Variants in SNRPN observed in about 807,000 individuals in gnomAD.
SNRPN encodes small nuclear ribonucleoprotein-associated protein N.
A neutral mutation model predicts 25.2 loss-of-function variants in SNRPN; 7 were observed. The ratio of observed to expected loss-of-function variants is 0.28; its 90% CI spans 0.16 to 0.52. SNRPN has a LOEUF of 0.52. Ranked by LOEUF, SNRPN falls within the 20% of genes least tolerant of loss-of-function variation. The probability of loss-of-function intolerance (pLI) is 0.96; values close to 1 mark genes in which losing one functional copy is unlikely to be tolerated. For missense variants in SNRPN, 196 were observed against 322.5 expected, an observed-to-expected ratio of 0.61 and a Z score of 3.00; for synonymous variants, 124 against 110.6, an observed-to-expected ratio of 1.12 and a Z score of -0.76.
intron 1 of SNRPN, among the ~76,000 whole-genome samples, chr15:24,857,792 C>T (rs926924504): frequency 1.3e-5 from 2 of 152,128 alleles, no homozygotes; most frequent in East Asian, 3.9e-4. Flanking sequence ...AGAATTCACC[C>T]AGAGCCGGCT....
At chr15:24,969,317 C>T (rs2076100978) in intron 3 of SNRPN, among the ~76,000 whole-genome samples, 2 of 152,016 alleles carry the variant, frequency 1.3e-5, no homozygotes, top group African/African-American at 2.4e-5. Flanking sequence ...TTGGTAGAGA[C>T]GGGGTTTCAC....
upstream of SNRPN, among the ~76,000 whole-genome samples, chr15:24,953,924 T>TGTAG (rs1354163422): frequency 6.6e-6 from 1 of 152,200 alleles, no homozygotes; most frequent in African/African-American, 2.4e-5. Context: ...CCTGTTTTAA[T>TGTAG]GTAGGATCAT....
intron 1 of SNRPN, among the ~76,000 whole-genome samples, chr15:24,884,115 C>G (rs956999277): frequency 7.5e-6 from 1 of 133,870 alleles, no homozygotes; most frequent in Non-Finnish European, 1.5e-5. Context: ...AGTTCAAGAC[C>G]AGCCTGGGCA....
intron 5 of SNRPN, 103 bp from the exon 6 acceptor site, chr15:24,976,202 T>C (rs750500802): frequency 6.8e-6 from 6 of 876,848 alleles, no homozygotes; most frequent in African/African-American, 6.7e-5. Flanking sequence ...TCAGTAAATG[T>C]TTAGCATCAG....
chr15:24,916,714 G>A (rs934060347), intron 2 of SNRPN, among the ~76,000 whole-genome samples: 4 of 152,152 alleles, frequency 2.6e-5, no homozygotes, highest in Admixed American at 6.5e-5. Flanking sequence ...TAGTACGCTC[G>A]TGTTTGAAAT....
At position 24,975,348 on chromosome 15, in the gene SNRPN, C is replaced by T; in HGVS notation, c.4-10C>T. The stretch of plus-strand genomic sequence containing the variant: ...CAAGCTGAACATGACTCTTGTCTTA[C>T]TGCTTCTAGACTGTTGGCAAGAGTA... On this transcript the variant is annotated splice_polypyrimidine_tract_variant and intron_variant, in intron 4 of 9. Coordinates refer to ENST00000390687, the MANE Select transcript of SNRPN (RefSeq NM_003097.6). 6.2e-7 allele frequency: 1 copy of T among 1,610,072 alleles called. No individual in the cohort carries two copies. Among genetic ancestry groups the T allele is most frequent in the Non-Finnish European group, 8.5e-7 (1 of 1,177,236 alleles).
chr15:24,858,870 C>G (rs950694431), intron 1 of SNRPN, among the ~76,000 whole-genome samples: 1 of 151,960 alleles, frequency 6.6e-6, no homozygotes, highest in East Asian at 1.9e-4. Flanking sequence ...ACCCCCACCC[C>G]CTTTTCCTTT....
At chr15:24,834,751 C>CTCTCTCTCTCTCTATACATA in intron 2 of SNRPN, among the ~76,000 whole-genome samples, 1 of 60,956 alleles carries the variant, frequency 1.6e-5, no homozygotes. Flanking sequence ...CTCTCTCTCT[C>CTCTCTCTCTCTCTATACATA]TATATATATA....
intron 1 of SNRPN, among the ~76,000 whole-genome samples, chr15:24,868,796 C>G (rs191077552): frequency 6.6e-6 from 1 of 152,128 alleles, no homozygotes. Context: ...AATTTAGACA[C>G]ATGTATGTGG....
At chr15:24,876,284 C>G (rs1482137889) in intron 1 of SNRPN, among the ~76,000 whole-genome samples, 4 of 151,922 alleles carry the variant, frequency 2.6e-5, no homozygotes, top group Admixed American at 2.6e-4. Flanking sequence ...AAGCACAAGT[C>G]AAGCAGACGT....
At chr15:24,962,259 G>C in intron 2 of SNRPN, 50 bp downstream of exon 2, 1 of 1,455,466 alleles carries the variant, frequency 6.9e-7, no homozygotes, top group Non-Finnish European at 9.6e-7. Context: ...TCTCCTTTCA[G>C]ATTAGAACAA....
chr15:24,823,999 T>C (rs1436481669), intron 1 of SNRPN: 1 of 152,156 alleles, frequency 6.6e-6, no homozygotes, highest in African/African-American at 2.4e-5. Context: ...TTTTTCGAAA[T>C]ACATATTTAA....
chr15:24,879,716 CTT>C (rs2056397123), intron 1 of SNRPN, among the ~76,000 whole-genome samples: 1 of 152,086 alleles, frequency 6.6e-6, no homozygotes, highest in Admixed American at 6.6e-5. Flanking sequence ...TGTTTGCTTT[CTT>C]TTTTAAATAA....
intron 2 of SNRPN, among the ~76,000 whole-genome samples, chr15:24,903,255 T>C (rs2058583932): frequency 3.3e-5 from 5 of 152,234 alleles, no homozygotes; most frequent in Admixed American, 3.3e-4. Context: ...TGTATATGTT[T>C]AGATACATTC....
chr15:24,976,657 G>A (rs1399247434), intron 6 of SNRPN, among the ~76,000 whole-genome samples: 1 of 152,094 alleles, frequency 6.6e-6, no homozygotes, highest in Non-Finnish European at 1.5e-5. Flanking sequence ...ATGTTTGCTT[G>A]GTATGTTTAT....
intron 2 of SNRPN, among the ~76,000 whole-genome samples, chr15:24,844,483 G>C (rs558127465): frequency 6.6e-6 from 1 of 152,068 alleles, no homozygotes; most frequent in African/African-American, 2.4e-5. Context: ...GTCTGTCAAA[G>C]AGCAGCATTT....
chr15:24,835,061 G>GTATATATATCTATATATAAAAATATAGAT (rs2050987699), intron 2 of SNRPN, among the ~76,000 whole-genome samples: 1 of 27,246 alleles, frequency 3.7e-5, no homozygotes, highest in African/African-American at 1.3e-4. Context: ...TAAAAATATA[G>GTATATATATCTATATATAAAAATATAGAT]ATATATAGTA....
At chr15:24,960,469 AGCT>A (rs970349476) in intron 1 of SNRPN, among the ~76,000 whole-genome samples, 36 of 151,692 alleles carry the variant, frequency 2.4e-4, no homozygotes, top group African/African-American at 7.2e-4. Context: ...CCTCCTGAGT[AGCT>A]GGTACCACAG....
At position 24,862,838 on chromosome 15, in the gene SNRPN, A is replaced by G. The variant is rs896612855; in HGVS notation, c.-579+6122A>G. Reference sequence around the variant, plus strand: ...AGACAGGGGAGGTAAAGGGAAGAGGAAACAGTGTGTCTGGCACAGTTCAGG... The same window carrying G: ...AGACAGGGGAGGTAAAGGGAAGAGGGAACAGTGTGTCTGGCACAGTTCAGG... On this transcript the variant is annotated intron_variant, in intron 1 of 11. Transcript: ENST00000400097. Among the ~76,000 whole-genome samples, 2 of 150,522 alleles carry G rather than the reference A, an allele frequency of 1.3e-5. 1 individual carries two copies. Among genetic ancestry groups the G allele is most frequent in the African/African-American group, 5.0e-5 (2 of 40,060 alleles).
Sources: allele counts gnomAD v4.1 joint callset (sites outside exome capture counted in the v4.1 genomes callset), GRCh38; gene constraint gnomAD v4.1.1; transcripts MANE v1.5; gene names NCBI Gene and HGNC (gene_info 2026-07-23, HGNC 2026-07-21).